The following CNTN5 variants were observed in gnomAD, a reference collection of about 807,000 sequenced individuals.
CNTN5 encodes contactin 5.
A neutral mutation model predicts 129.1 loss-of-function variants in CNTN5; 77 were observed. The ratio of observed to expected loss-of-function variants is 0.60; its 90% CI spans 0.50 to 0.72. The LOEUF (loss-of-function observed/expected upper bound fraction) is 0.72, where lower values mean the gene tolerates loss of function less well. CNTN5 is among the 30% of genes least tolerant of loss of function. The probability of loss-of-function intolerance (pLI) is 0.00; values close to 1 mark genes in which losing one functional copy is unlikely to be tolerated. For synonymous variants in CNTN5, 509 were observed against 465.6 expected (o/e 1.09, Z -1.20); for missense variants, 1,478 against 1,328.8 (o/e 1.11, Z -1.75).
intron 2 of CNTN5, among the ~76,000 whole-genome samples, chr11:99,347,609 C>G (rs75713162): frequency 6.6e-6 from 1 of 152,156 alleles, no homozygotes; most frequent in South Asian, 2.1e-4. Flanking sequence ...ATTTATTTTG[C>G]ACTTTAATTA....
intron 3 of CNTN5, among the ~76,000 whole-genome samples, chr11:99,663,144 G>C (rs1357850040): frequency 6.6e-6 from 1 of 152,038 alleles, no homozygotes; most frequent in East Asian, 1.9e-4. Context: ...TAACTCTATA[G>C]ACAAATTTAA....
intron 1 of CNTN5, among the ~76,000 whole-genome samples, chr11:99,021,751 A>T (rs900240584): frequency 1.3e-5 from 2 of 152,214 alleles, no homozygotes; most frequent in Admixed American, 6.5e-5. Context: ...GGGATGCTCT[A>T]TAAGTGGAGT....
chr11:99,500,438 G>A (rs933207192), intron 2 of CNTN5, among the ~76,000 whole-genome samples: 14 of 152,062 alleles, frequency 9.2e-5, no homozygotes, highest in African/African-American at 2.9e-4. Flanking sequence ...CTAAACTCTC[G>A]TTTCTATTTT....
At chr11:99,078,259 C>T (rs767281923) in intron 1 of CNTN5, among the ~76,000 whole-genome samples, 3 of 152,146 alleles carry the variant, frequency 2.0e-5, no homozygotes, top group Admixed American at 6.5e-5. Flanking sequence ...AAGCATACTA[C>T]TTGCAGAAAG....
chr11:99,488,539 G>A (rs975882860), intron 2 of CNTN5, among the ~76,000 whole-genome samples: 8 of 151,956 alleles, frequency 5.3e-5, no homozygotes, highest in African/African-American at 1.9e-4. Context: ...CTAACCACTA[G>A]TATGGAGGCT....
chr11:99,055,667 C>G (rs1315616523), intron 1 of CNTN5, among the ~76,000 whole-genome samples: 1 of 151,902 alleles, frequency 6.6e-6, no homozygotes, highest in Non-Finnish European at 1.5e-5. Context: ...CTTGCCATAT[C>G]CCAGCTCTTA....
intron 2 of CNTN5, among the ~76,000 whole-genome samples, chr11:99,441,801 T>G (rs761084510): frequency 1.3e-5 from 2 of 152,228 alleles, no homozygotes; most frequent in Non-Finnish European, 2.9e-5. Flanking sequence ...AGAACTCTTT[T>G]TTTTTAAATG....
At chr11:99,760,517 G>A (rs1321421282) in intron 3 of CNTN5, among the ~76,000 whole-genome samples, 2 of 152,060 alleles carry the variant, frequency 1.3e-5, no homozygotes, top group Admixed American at 6.6e-5. Flanking sequence ...ATACATTCAT[G>A]AAGCTGTTAA....
chr11:99,973,580 T>G (rs1937729728), intron 8 of CNTN5, among the ~76,000 whole-genome samples: 2 of 152,222 alleles, frequency 1.3e-5, no homozygotes, highest in Admixed American at 6.5e-5. Flanking sequence ...ACCTTAAGGC[T>G]TCCTGTGAAT....
intron 8 of CNTN5, among the ~76,000 whole-genome samples, chr11:99,965,350 G>T (rs551734227): frequency 6.7e-6 from 1 of 149,836 alleles, no homozygotes; most frequent in South Asian, 2.1e-4. Context: ...CAGAGATTCT[G>T]GTATTTGTGT....
At chr11:99,498,010 G>T (rs1341637021) in intron 2 of CNTN5, among the ~76,000 whole-genome samples, 1 of 151,996 alleles carries the variant, frequency 6.6e-6, no homozygotes, top group Non-Finnish European at 1.5e-5. Context: ...TTTTCTACAT[G>T]TTAGCTACTG....
At chr11:99,149,380 A>G (rs1372005293) in intron 1 of CNTN5, among the ~76,000 whole-genome samples, 1 of 152,174 alleles carries the variant, frequency 6.6e-6, no homozygotes, top group Non-Finnish European at 1.5e-5. Context: ...ATTTTATTGA[A>G]TAATATGAAA....
chr11:99,625,110 T>C (rs1221658790), intron 3 of CNTN5, among the ~76,000 whole-genome samples: 1 of 152,216 alleles, frequency 6.6e-6, no homozygotes, highest in Non-Finnish European at 1.5e-5. Flanking sequence ...GATTATCTAT[T>C]GGTTAAAGTC....
At chr11:99,093,552 G>A (rs1410207290) in intron 1 of CNTN5, among the ~76,000 whole-genome samples, 5 of 151,388 alleles carry the variant, frequency 3.3e-5, no homozygotes, top group Admixed American at 3.3e-4. Context: ...GACCCATGTT[G>A]GGAAGGCTAA....
At chr11:100,169,384 G>C (rs868620116) in intron 13 of CNTN5, among the ~76,000 whole-genome samples, 2 of 151,882 alleles carry the variant, frequency 1.3e-5, no homozygotes, top group East Asian at 3.9e-4. Flanking sequence ...AACTGTGACT[G>C]GACAAGCCAT....
intron 9 of CNTN5, among the ~76,000 whole-genome samples, chr11:100,049,626 G>C (rs1025599780): frequency 1.6e-4 from 24 of 152,078 alleles, no homozygotes; most frequent in Non-Finnish European, 3.1e-4. Context: ...TGACAAATGG[G>C]ATCTAATTAA....
intron 3 of CNTN5, among the ~76,000 whole-genome samples, chr11:99,731,581 A>T (rs1388440587): frequency 6.6e-6 from 1 of 152,110 alleles, no homozygotes; most frequent in African/African-American, 2.4e-5. Flanking sequence ...TCAGAAATAT[A>T]TTTTTTTAAC....
At chr11:99,866,182 T>G (rs1948350232) in intron 6 of CNTN5, among the ~76,000 whole-genome samples, 1 of 152,176 alleles carries the variant, frequency 6.6e-6, no homozygotes, top group African/African-American at 2.4e-5. Context: ...CGAATGGTTT[T>G]GCTCTCTAGT....
intron 3 of CNTN5, among the ~76,000 whole-genome samples, chr11:99,586,808 T>A (rs1194356327): frequency 1.3e-5 from 2 of 152,158 alleles, no homozygotes; most frequent in African/African-American, 4.8e-5. Context: ...GGGCCACTCA[T>A]CTAATAAATC....
Sources: gnomAD v4.1 joint callset for allele counts (sites outside exome capture counted in the v4.1 genomes callset) on GRCh38, gnomAD v4.1.1 for gene constraint, MANE v1.5 for transcripts, NCBI Gene and HGNC (gene_info 2026-07-23, HGNC 2026-07-21) for gene names.